The following CRACR2A variants were observed in gnomAD, a reference collection of about 807,000 sequenced individuals.
The protein encoded by CRACR2A is EF-hand calcium-binding domain-containing protein 4B.
In CRACR2A, 79 loss-of-function variants were observed where a neutral mutation model predicts 90.5. The ratio of observed to expected loss-of-function variants is 0.87; its 90% CI spans 0.73 to 1.05. The LOEUF (loss-of-function observed/expected upper bound fraction) is 1.05, where lower values mean the gene tolerates loss of function less well. Among genes scored for constraint, CRACR2A ranks in the 50% least tolerant of loss-of-function variants. The pLI is 0.00. For synonymous variants in CRACR2A, 338 were observed against 356.7 expected (o/e 0.95, Z 0.59); for missense variants, 823 against 897.2 (o/e 0.92, Z 1.06).
Position 3,713,296 on chromosome 12 carries a change from C to A in CRACR2A, c.-96G>T, listed in dbSNP as rs1408258754. The A allele has an allele frequency of 9.1e-6, 9 of 985,286 alleles. No individual in the cohort carries two copies. Among genetic ancestry groups the A allele is most frequent in the Non-Finnish European group, 9.6e-6 (8 of 829,916 alleles). 61.0% of individuals were successfully genotyped at this position (985,286 alleles called of 1,614,324 possible). ...TCTTCACACCTGGAGGGTACTTTGG[C>A]CACTGGTGACTTGAATTCCACCTAG... On this transcript the variant is annotated 5_prime_UTR_variant, in exon 3 of 20. Transcript: ENST00000440314.
intron 13 of CRACR2A, among the ~76,000 whole-genome samples, chr12:3,639,272 T>C (rs2137364347): frequency 6.6e-6 from 1 of 152,212 alleles, no homozygotes; most frequent in Non-Finnish European, 1.5e-5. Context: ...CTCAGAGGCC[T>C]AAATATCTTC....
intron 1 of CRACR2A, among the ~76,000 whole-genome samples, chr12:3,735,005 A>G (rs1468951489): frequency 6.6e-6 from 1 of 152,190 alleles, no homozygotes; most frequent in Non-Finnish European, 1.5e-5. Context: ...AAGAGGGTAG[A>G]TTTTAAATGC....
intron 4 of CRACR2A, among the ~76,000 whole-genome samples, chr12:3,694,400 T>C (rs12422231): frequency 0.23 from 34,930 of 152,136 alleles, 4,086 homozygotes; most frequent in East Asian, 0.32. Context: ...CCTTTCCTGC[T>C]TTCTGAATTT....
intron 10 of CRACR2A, among the ~76,000 whole-genome samples, chr12:3,653,012 T>C (rs1211917207): frequency 2.0e-5 from 3 of 152,016 alleles, no homozygotes; most frequent in African/African-American, 4.8e-5. Flanking sequence ...ACGGGGAGTC[T>C]CACTCTGTCA....
At chr12:3,637,999 A>G in intron 14 of CRACR2A, 125 bp downstream of exon 14, 1 of 913,154 alleles carries the variant, frequency 1.1e-6, no homozygotes, top group Non-Finnish European at 1.6e-6. Context: ...GAGGACACAT[A>G]TGTGGTGAAT....
intron 17 of CRACR2A, among the ~76,000 whole-genome samples, chr12:3,623,668 T>C (rs899413155): frequency 6.6e-6 from 1 of 152,146 alleles, no homozygotes; most frequent in Non-Finnish European, 1.5e-5. Flanking sequence ...AAATGCCGAG[T>C]TGGCCGAAAG....
chr12:3,675,165 G>A (rs1945315712), intron 6 of CRACR2A, among the ~76,000 whole-genome samples: 1 of 152,012 alleles, frequency 6.6e-6, no homozygotes, highest in African/African-American at 2.4e-5. Context: ...GAATCCTCAG[G>A]ATAAAGAATA....
intron 2 of CRACR2A, chr12:3,732,438 C>T (rs566873530): frequency 3.7e-4 from 57 of 152,468 alleles, no homozygotes; most frequent in African/African-American, 1.4e-3. Flanking sequence ...TGGATTCAAC[C>T]TTCTACTGCA....
At chr12:3,662,251 C>T (rs1388479649) in intron 7 of CRACR2A, among the ~76,000 whole-genome samples, 1 of 152,212 alleles carries the variant, frequency 6.6e-6, no homozygotes, top group East Asian at 1.9e-4. Context: ...GCTTGAATGA[C>T]TATGAGAAGC....
intron 1 of CRACR2A, among the ~76,000 whole-genome samples, chr12:3,736,773 G>A (rs1290625502): frequency 3.3e-5 from 5 of 152,180 alleles, no homozygotes; most frequent in African/African-American, 7.2e-5. Context: ...GATGGAGAAC[G>A]TTTAACGAAC....
intron 1 of CRACR2A, among the ~76,000 whole-genome samples, chr12:3,741,599 C>A (rs1487555711): frequency 6.6e-6 from 1 of 151,946 alleles, no homozygotes; most frequent in Non-Finnish European, 1.5e-5. Context: ...CAACTGAGGC[C>A]CACAGAGAGC....
rs533932086 is a variant in CRACR2A at position 3,715,756 on chromosome 12, T to C, written c.-117-2439A>G. Among the ~76,000 whole-genome samples the C allele has an allele frequency of 3.9e-5, 6 of 152,376 alleles. No individual in the cohort carries two copies. In the South Asian group the frequency reaches 1.2e-3, roughly 32 times the overall value. ...TGATTTCCCAACATAAGTTCCATCA[T>C]GTTTGATACACTTTTTTAAGCAATG... On this transcript the variant is annotated intron_variant, in intron 2 of 19. Coordinates refer to ENST00000440314, the MANE Select transcript of CRACR2A (RefSeq NM_001144958.2).
At chr12:3,640,551 C>T in intron 13 of CRACR2A, 2 of 1,254,148 alleles carry the variant, frequency 1.6e-6, no homozygotes, top group Non-Finnish European at 2.1e-6. Context: ...GAGGAACCAA[C>T]AGGCCAACCA....
At chr12:3,628,024 TCC>T (rs1565463126) in intron 15 of CRACR2A, among the ~76,000 whole-genome samples, 1 of 101,912 alleles carries the variant, frequency 9.8e-6, no homozygotes, top group Non-Finnish European at 1.9e-5. Context: ...CCTCCCTCTC[TCC>T]TTCCCTCCCT....
intron 6 of CRACR2A, among the ~76,000 whole-genome samples, chr12:3,674,589 GT>G (rs1357248488): frequency 6.6e-6 from 1 of 152,200 alleles, no homozygotes; most frequent in African/African-American, 2.4e-5. Flanking sequence ...ATAGCATCAA[GT>G]TTGAAAGTTA....
chr12:3,705,477 G>A (rs1008399835), intron 3 of CRACR2A, among the ~76,000 whole-genome samples: 3 of 152,188 alleles, frequency 2.0e-5, no homozygotes, highest in South Asian at 2.1e-4. Context: ...GAAAGCAGCC[G>A]CTAAGTCATC....
chr12:3,643,755 GCACA>G (rs1405135993), intron 12 of CRACR2A, among the ~76,000 whole-genome samples: 1 of 94,012 alleles, frequency 1.1e-5, no homozygotes, highest in Non-Finnish European at 1.9e-5. Flanking sequence ...ACATATATAT[GCACA>G]CAGACTATAT....
chr12:3,641,706 G>T, intron 13 of CRACR2A, 26 bp downstream of exon 13: 1 of 1,543,434 alleles, frequency 6.5e-7, no homozygotes. Context: ...GAGGAATGAA[G>T]GGATGAGCAA....
At chr12:3,618,218 A>T (rs1867733340) in intron 18 of CRACR2A, among the ~76,000 whole-genome samples, 1 of 151,948 alleles carries the variant, frequency 6.6e-6, no homozygotes, top group Non-Finnish European at 1.5e-5. Flanking sequence ...CTTTGGGTCC[A>T]GGTATATTTT....
Sources: gnomAD v4.1 joint callset for allele counts (sites outside exome capture counted in the v4.1 genomes callset) on GRCh38, gnomAD v4.1.1 for gene constraint, MANE v1.5 for transcripts, NCBI Gene and HGNC (gene_info 2026-07-23, HGNC 2026-07-21) for gene names.